Variants in RORA observed in about 807,000 individuals in gnomAD.
RORA encodes the protein RAR related orphan receptor A.
In RORA, 7 loss-of-function variants were observed where a neutral mutation model predicts 69.5. That is an observed-to-expected ratio of 0.10 (90% CI 0.06 to 0.19). The LOEUF (loss-of-function observed/expected upper bound fraction) is 0.19. Ranked by LOEUF, RORA falls within the 10% of genes least tolerant of loss-of-function variation. The pLI is 1.00. For missense variants in RORA, 457 were observed against 663.0 expected, an observed-to-expected ratio of 0.69 and a Z score of 3.41; for synonymous variants, 261 against 240.8, an observed-to-expected ratio of 1.08 and a Z score of -0.78.
At position 61,228,571 on chromosome 15, in the gene RORA, C is replaced by G. The variant is rs907023860; in HGVS notation, c.166+482G>C. Among the ~76,000 whole-genome samples, 52 of 150,332 alleles carry G rather than the reference C, an allele frequency of 3.5e-4. 1 individual carries two copies. Among genetic ancestry groups the G allele is most frequent in the African/African-American group, 1.3e-3 (52 of 40,968 alleles). ...CTGAGAGGGACCGAAAACACACCCC[C>G]GACTCGGGCAGCCAGGGCCGAAACT... On this transcript the variant is annotated intron_variant, in intron 1 of 10. Transcript: ENST00000335670.
At chr15:61,036,267 G>A (rs1021922412) in intron 1 of RORA, among the ~76,000 whole-genome samples, 2 of 152,152 alleles carry the variant, frequency 1.3e-5, no homozygotes, top group African/African-American at 4.8e-5. Context: ...TGGGTCTGTA[G>A]GAGAGCATCG....
At chr15:60,593,865 G>C (rs1303922723) in intron 2 of RORA, among the ~76,000 whole-genome samples, 3 of 152,032 alleles carry the variant, frequency 2.0e-5, no homozygotes, top group Non-Finnish European at 4.4e-5. Context: ...TTGCCCCTGA[G>C]TTGGGCCACA....
intron 1 of RORA, among the ~76,000 whole-genome samples, chr15:60,887,194 A>G (rs2073761332): frequency 6.6e-6 from 1 of 152,078 alleles, no homozygotes; most frequent in African/African-American, 2.4e-5. Context: ...TAGAAAAAAA[A>G]GGTTTCAAGT....
chr15:60,771,806 G>A (rs2072080788), intron 1 of RORA, among the ~76,000 whole-genome samples: 1 of 152,188 alleles, frequency 6.6e-6, no homozygotes, highest in Non-Finnish European at 1.5e-5. Flanking sequence ...TGTCTCATCT[G>A]GGAGAAGGGC....
At chr15:61,029,636 T>C (rs1173820546) in intron 1 of RORA, among the ~76,000 whole-genome samples, 1 of 152,090 alleles carries the variant, frequency 6.6e-6, no homozygotes, top group African/African-American at 2.4e-5. Flanking sequence ...ATTAGAAAGA[T>C]GTGTAAGATG....
chr15:61,120,356 C>T (rs936724680), intron 1 of RORA, among the ~76,000 whole-genome samples: 3 of 150,970 alleles, frequency 2.0e-5, no homozygotes, highest in Admixed American at 2.0e-4. Context: ...TTCCAAAGGT[C>T]TGATATGCAA....
intron 2 of RORA, among the ~76,000 whole-genome samples, chr15:60,560,283 A>G (rs886802908): frequency 6.6e-6 from 1 of 151,988 alleles, no homozygotes; most frequent in African/African-American, 2.4e-5. Context: ...GTTCTCAAGA[A>G]TGCTTTCTAA....
intron 1 of RORA, among the ~76,000 whole-genome samples, chr15:61,002,399 T>C (rs768260120): frequency 3.9e-5 from 6 of 152,236 alleles, no homozygotes; most frequent in Non-Finnish European, 8.8e-5. Context: ...TTCTTCCACA[T>C]GGCAAGTTTT....
At chr15:61,120,768 T>C (rs1481736925) in intron 1 of RORA, among the ~76,000 whole-genome samples, 2 of 151,712 alleles carry the variant, frequency 1.3e-5, no homozygotes, top group Non-Finnish European at 2.9e-5. Context: ...ATCAAAGCCT[T>C]AGATTCCACT....
chr15:61,049,052 C>G (rs1348833224), intron 1 of RORA, among the ~76,000 whole-genome samples: 1 of 152,140 alleles, frequency 6.6e-6, no homozygotes, highest in East Asian at 1.9e-4. Flanking sequence ...ATCTGAACAC[C>G]CTCGTGTCCC....
intron 1 of RORA, among the ~76,000 whole-genome samples, chr15:60,835,808 A>G (rs949975239): frequency 6.6e-6 from 1 of 152,224 alleles, no homozygotes; most frequent in Non-Finnish European, 1.5e-5. Context: ...CAAGTAGATG[A>G]CTGGCCTCTG....
chr15:61,197,400 G>A (rs1196217723), intron 1 of RORA, among the ~76,000 whole-genome samples: 1 of 152,166 alleles, frequency 6.6e-6, no homozygotes, highest in Non-Finnish European at 1.5e-5. Flanking sequence ...CCGAACCGCG[G>A]CCTGAGTTCT....
chr15:60,508,470 A>G (rs967376851), intron 5 of RORA, among the ~76,000 whole-genome samples: 43 of 152,230 alleles, frequency 2.8e-4, no homozygotes, highest in Admixed American at 1.3e-4. Flanking sequence ...AGCATTCACT[A>G]TATGCCAGTC....
chr15:60,592,476 T>TGCCGCCGCCGCGCC (rs1555435194), intron 2 of RORA: 57 of 1,354,072 alleles, frequency 4.2e-5, no homozygotes, highest in Non-Finnish European at 5.0e-5. Context: ...GAGCCCCCTC[T>TGCCGCCGCCGCGCC]GCCGCCGCCG....
intron 2 of RORA, among the ~76,000 whole-genome samples, chr15:60,674,297 GA>G (rs538269105): frequency 7.2e-5 from 11 of 151,816 alleles, no homozygotes; most frequent in East Asian, 1.9e-4. Flanking sequence ...TCAAGGATAG[GA>G]AAAAAAATGA....
intron 1 of RORA, among the ~76,000 whole-genome samples, chr15:61,009,300 T>G (rs1351636510): frequency 1.3e-5 from 2 of 152,120 alleles, no homozygotes; most frequent in Admixed American, 1.3e-4. Flanking sequence ...GAGTAAAAAT[T>G]TATTATAGGA....
At chr15:61,208,464 T>A (rs923952676) in intron 1 of RORA, among the ~76,000 whole-genome samples, 1 of 152,212 alleles carries the variant, frequency 6.6e-6, no homozygotes, top group Non-Finnish European at 1.5e-5. Context: ...AATGTTGAAC[T>A]AGACTGTGGT....
chr15:60,501,760 T>G (rs939922477), intron 8 of RORA, among the ~76,000 whole-genome samples: 2 of 152,216 alleles, frequency 1.3e-5, no homozygotes, highest in Non-Finnish European at 2.9e-5. Flanking sequence ...TCCCCTAGAA[T>G]AATAATCCGT....
intron 1 of RORA, among the ~76,000 whole-genome samples, chr15:60,955,483 A>T (rs756943353): frequency 6.6e-6 from 1 of 152,192 alleles, no homozygotes; most frequent in African/African-American, 2.4e-5. Context: ...AAGACCTCCA[A>T]TTGTTGTCAT....
Sources: allele counts gnomAD v4.1 joint callset (sites outside exome capture counted in the v4.1 genomes callset), GRCh38; gene constraint gnomAD v4.1.1; transcripts MANE v1.5; gene names NCBI Gene and HGNC (gene_info 2026-07-23, HGNC 2026-07-21).